The following RORA variants were observed in gnomAD, a reference collection of about 807,000 sequenced individuals.
RORA encodes nuclear receptor ROR-alpha.
RORA carries 7 observed loss-of-function variants against 69.5 expected under a neutral mutation model. The observed-to-expected ratio is 0.10, with a 90% CI of 0.06 to 0.19. The LOEUF is 0.19. RORA is among the 10% of genes least tolerant of loss of function. The pLI, the probability that RORA is intolerant of heterozygous loss-of-function variation, is 1.00. For missense variants in RORA, 457 were observed against 663.0 expected (o/e 0.69, Z 3.41); for synonymous variants, 261 against 240.8 (o/e 1.08, Z -0.78).
chr15:60,571,134 T>C (rs1001739228), intron 2 of RORA, among the ~76,000 whole-genome samples: 1 of 151,876 alleles, frequency 6.6e-6, no homozygotes, highest in African/African-American at 2.4e-5. Flanking sequence ...AAGGCTGTTA[T>C]TTACTGTTCT....
At chr15:60,906,774 T>G (rs756866135) in intron 1 of RORA, among the ~76,000 whole-genome samples, 7 of 152,122 alleles carry the variant, frequency 4.6e-5, no homozygotes, top group Non-Finnish European at 8.8e-5. Flanking sequence ...AACTAAGATT[T>G]TTATTGTACA....
At chr15:60,626,352 C>T (rs1281342692) in intron 2 of RORA, among the ~76,000 whole-genome samples, 1 of 152,150 alleles carries the variant, frequency 6.6e-6, no homozygotes, top group Non-Finnish European at 1.5e-5. Flanking sequence ...GCAACTCTGA[C>T]CAGGGATCGT....
chr15:60,968,499 C>T (rs929271224), intron 1 of RORA, among the ~76,000 whole-genome samples: 18 of 152,160 alleles, frequency 1.2e-4, no homozygotes, highest in Non-Finnish European at 2.4e-4. Context: ...AACCCAGGCT[C>T]ACACTGGAAT....
At chr15:60,552,668 C>T (rs1318102190) in intron 2 of RORA, among the ~76,000 whole-genome samples, 1 of 152,164 alleles carries the variant, frequency 6.6e-6, no homozygotes, top group Non-Finnish European at 1.5e-5. Flanking sequence ...CAGGTCTTTC[C>T]TTCTAGTGTG....
chr15:60,653,576 G>A lies in RORA; in HGVS notation c.196+25081C>T, dbSNP rs552927398. ...ACTTATACCAACATGTTATTTATTCGGCCAGATATTATTATCTTACTTTTA... is the reference window on the plus strand; with the variant it reads ...ACTTATACCAACATGTTATTTATTCAGCCAGATATTATTATCTTACTTTTA... On this transcript the variant is annotated intron_variant, in intron 2 of 10. Coordinates refer to ENST00000335670, the MANE Select transcript of RORA (RefSeq NM_134261.3). Among the ~76,000 whole-genome samples the A allele has an allele frequency of 1.0e-3, 158 of 152,110 alleles. 1 individual carries two copies. The highest frequency in any genetic ancestry group is 3.7e-3 in the African/African-American group (153 of 41,478).
At chr15:60,856,007 A>C (rs1673320) in intron 1 of RORA, among the ~76,000 whole-genome samples, 130,226 of 150,068 alleles carry the variant, frequency 0.87, 57,100 homozygotes, top group East Asian at 0.98. Flanking sequence ...ATATATACTG[A>C]ATCAGGAATT....
At position 60,714,504 on chromosome 15, in the gene RORA, AC is replaced by A. The variant is rs571527459; in HGVS notation, c.167-35819del. ...CTCAGCCTCCCTAGTAGCTGGGATT[AC>A]AGGCACCTGCCAACACACGTAGCTA... On this transcript the variant is annotated intron_variant, in intron 1 of 10. Coordinates refer to ENST00000335670, the MANE Select transcript of RORA (RefSeq NM_134261.3). Among the ~76,000 whole-genome samples the A allele has an allele frequency of 1.9e-3, 281 of 151,816 alleles. 1 individual carries two copies. The highest frequency in any genetic ancestry group is 2.0e-3 in the Non-Finnish European group (134 of 67,958).
At chr15:61,107,710 C>T (rs1161471920) in intron 1 of RORA, among the ~76,000 whole-genome samples, 1 of 151,486 alleles carries the variant, frequency 6.6e-6, no homozygotes, top group African/African-American at 2.4e-5. Flanking sequence ...CTCTTTTGGC[C>T]CTTGAATAAA....
chr15:60,516,707 G>C (rs35181277), intron 3 of RORA, among the ~76,000 whole-genome samples: 9,988 of 152,084 alleles, frequency 0.066, 436 homozygotes, highest in Middle Eastern at 0.11. Flanking sequence ...CACTGAGCTA[G>C]GCTTTTAAGG....
intron 1 of RORA, among the ~76,000 whole-genome samples, chr15:60,999,447 T>C (rs1197169702): frequency 6.6e-6 from 1 of 152,212 alleles, no homozygotes; most frequent in Admixed American, 6.5e-5. Context: ...TATTCATGGA[T>C]GTTAGCTTAC....
intron 1 of RORA, among the ~76,000 whole-genome samples, chr15:61,012,461 T>A (rs1484473655): frequency 6.6e-6 from 1 of 152,208 alleles, no homozygotes; most frequent in Non-Finnish European, 1.5e-5. Flanking sequence ...ACTGGACAGA[T>A]GAATTTGTAA....
intron 1 of RORA, among the ~76,000 whole-genome samples, chr15:60,723,384 C>CA (rs2071317496): frequency 6.6e-6 from 1 of 150,570 alleles, no homozygotes; most frequent in Non-Finnish European, 1.5e-5. Context: ...CATTCCCCCC[C>CA]CCACTCACAT....
At chr15:60,737,886 T>C (rs1186785416) in intron 1 of RORA, among the ~76,000 whole-genome samples, 2 of 152,250 alleles carry the variant, frequency 1.3e-5, no homozygotes, top group East Asian at 3.8e-4. Context: ...GTGACAATTC[T>C]AGCAGAGACT....
At chr15:61,104,310 G>A (rs560182057) in intron 1 of RORA, among the ~76,000 whole-genome samples, 6 of 152,156 alleles carry the variant, frequency 3.9e-5, no homozygotes, top group African/African-American at 7.2e-5. Context: ...CCCCTCAGCC[G>A]GTAGGCTCTG....
intron 1 of RORA, among the ~76,000 whole-genome samples, chr15:60,711,741 T>C (rs1056256251): frequency 1.3e-5 from 2 of 152,236 alleles, no homozygotes; most frequent in African/African-American, 2.4e-5. Flanking sequence ...AAAGAAGATA[T>C]TTCTTTTGGG....
At chr15:60,777,752 T>A (rs556066995) in intron 1 of RORA, among the ~76,000 whole-genome samples, 1 of 152,268 alleles carries the variant, frequency 6.6e-6, no homozygotes, top group South Asian at 2.1e-4. Context: ...AGTAACCACT[T>A]TGGAGAACCG....
chr15:60,865,277 A>G (rs1399934322), intron 1 of RORA, among the ~76,000 whole-genome samples: 1 of 152,182 alleles, frequency 6.6e-6, no homozygotes, highest in African/African-American at 2.4e-5. Flanking sequence ...TTCCTCATCT[A>G]TCAAATGGAG....
rs1160185130 is a variant in RORA at position 60,503,520 on chromosome 15, T to A, written c.1075+15A>T. ...GTTAGGAAGAGATCTCAAAATTCAC[T>A]TGCAAAGCACATACCTGCTTTTAGA... On this transcript the variant is annotated intron_variant, in intron 7 of 10. Coordinates refer to ENST00000335670, the MANE Select transcript of RORA (RefSeq NM_134261.3). The A allele has an allele frequency of 6.2e-7, 1 of 1,613,550 alleles. No individual in the cohort carries two copies. Among genetic ancestry groups the A allele is most frequent in the African/African-American group, 1.3e-5 (1 of 75,040 alleles).
chr15:61,022,094 T>C (rs1414003944), intron 1 of RORA, among the ~76,000 whole-genome samples: 1 of 152,222 alleles, frequency 6.6e-6, no homozygotes, highest in East Asian at 1.9e-4. Context: ...GTGAAGGCTC[T>C]AAATCAGATT....
Sources: allele counts gnomAD v4.1 joint callset (sites outside exome capture counted in the v4.1 genomes callset), GRCh38; gene constraint gnomAD v4.1.1; transcripts MANE v1.5; gene names NCBI Gene and HGNC (gene_info 2026-07-23, HGNC 2026-07-21).